NBEA: variants seen among roughly 807,000 people sequenced by gnomAD.
NBEA encodes the protein neurobeachin.
NBEA carries 44 observed loss-of-function variants against 343.4 expected under a neutral mutation model. The observed-to-expected ratio is 0.13, with a 90% CI of 0.10 to 0.16. NBEA has a LOEUF of 0.16. NBEA is among the 10% of genes least tolerant of loss of function. The pLI is 1.00. For synonymous variants in NBEA, 1,175 were observed against 1,238.7 expected, an observed-to-expected ratio of 0.95 and a Z score of 1.08; for missense variants, 2,555 against 3,631.3, an observed-to-expected ratio of 0.70 and a Z score of 7.62.
chr13:35,044,827 T>TAGAG lies in NBEA; in HGVS notation c.527-119_527-118insGAGA, dbSNP rs555746647. On this transcript the variant is annotated intron_variant, in intron 2 of 58. Transcript: ENST00000379939. ...GCTGTATTAGATACATATATATATA[T>TAGAG]ATAGAGAGAGAGAGAGAGAGAGAGA... The TAGAG allele has an allele frequency of 4.3e-5, 22 of 505,892 alleles. 1 individual carries two copies. The highest frequency in any genetic ancestry group is 3.1e-4 in the Admixed American group (10 of 31,924). 31.3% of individuals were successfully genotyped at this position (505,892 alleles called of 1,614,324 possible).
chr13:35,409,027 A>G (rs138557448), intron 38 of NBEA, among the ~76,000 whole-genome samples: 1 of 152,334 alleles, frequency 6.6e-6, no homozygotes, highest in East Asian at 1.9e-4. Flanking sequence ...TCATTCTGTT[A>G]TAAAGACACA....
At chr13:34,989,213 C>T (rs1284186562) in intron 1 of NBEA, among the ~76,000 whole-genome samples, 1 of 150,958 alleles carries the variant, frequency 6.6e-6, no homozygotes, top group African/African-American at 2.4e-5. Flanking sequence ...AATTAAAAGT[C>T]ATTTATCTTC....
chr13:35,191,054 A>G (rs926107036), intron 30 of NBEA, among the ~76,000 whole-genome samples: 1 of 152,186 alleles, frequency 6.6e-6, no homozygotes, highest in Non-Finnish European at 1.5e-5. Flanking sequence ...GAAAAGAATC[A>G]GCAACATGAA....
intron 38 of NBEA, among the ~76,000 whole-genome samples, chr13:35,379,051 A>T (rs1161226817): frequency 6.6e-6 from 1 of 152,026 alleles, no homozygotes; most frequent in Non-Finnish European, 1.5e-5. Flanking sequence ...ACTATTATGA[A>T]TAATGTTGCT....
chr13:35,543,891 G>A (rs567290965), intron 41 of NBEA, among the ~76,000 whole-genome samples: 8 of 152,104 alleles, frequency 5.3e-5, no homozygotes, highest in African/African-American at 1.7e-4. Flanking sequence ...TCTTCCAGGT[G>A]GTCATTTTGG....
At chr13:35,479,370 C>T (rs1005276032) in intron 41 of NBEA, among the ~76,000 whole-genome samples, 6 of 152,156 alleles carry the variant, frequency 3.9e-5, no homozygotes, top group Non-Finnish European at 4.4e-5. Flanking sequence ...TTACACTGAA[C>T]ACGTGAAATG....
At chr13:35,414,650 T>C (rs1176785226) in intron 38 of NBEA, among the ~76,000 whole-genome samples, 1 of 152,208 alleles carries the variant, frequency 6.6e-6, no homozygotes, top group Non-Finnish European at 1.5e-5. Flanking sequence ...TTTGGGTTGG[T>C]TCCAAGTCTT....
intron 33 of NBEA, among the ~76,000 whole-genome samples, chr13:35,219,350 G>A (rs984280714): frequency 2.6e-5 from 4 of 152,048 alleles, no homozygotes; most frequent in African/African-American, 7.2e-5. Flanking sequence ...TGTTTCCTTA[G>A]TGCAGTAGTT....
chr13:35,003,775 A>G (rs1025271727), intron 1 of NBEA, among the ~76,000 whole-genome samples: 10 of 152,066 alleles, frequency 6.6e-5, no homozygotes, highest in Non-Finnish European at 8.8e-5. Context: ...TCTTTTTTTA[A>G]GAAAATTTAA....
chr13:35,310,445 T>C (rs1470864016), intron 36 of NBEA, among the ~76,000 whole-genome samples: 1 of 152,218 alleles, frequency 6.6e-6, no homozygotes, highest in Admixed American at 6.5e-5. Flanking sequence ...TGAACTCTGA[T>C]AAATATTCCT....
At chr13:35,320,706 G>A (rs534516495) in intron 36 of NBEA, among the ~76,000 whole-genome samples, 104 of 152,150 alleles carry the variant, frequency 6.8e-4, no homozygotes, top group African/African-American at 2.2e-3. Flanking sequence ...ACTTGGTTCC[G>A]TTTTCCCCAT....
intron 52 of NBEA, among the ~76,000 whole-genome samples, 174 bp downstream of exon 52, chr13:35,650,021 C>T (rs2084439560): frequency 6.6e-6 from 1 of 152,240 alleles, no homozygotes; most frequent in African/African-American, 2.4e-5. Context: ...TCCTTCATTT[C>T]TGCTGTATGT....
chr13:35,136,642 C>T (rs1372089036), intron 17 of NBEA, among the ~76,000 whole-genome samples: 1 of 152,184 alleles, frequency 6.6e-6, no homozygotes, highest in Non-Finnish European at 1.5e-5. Context: ...AATGGTTAAA[C>T]ATTTGGCTGG....
intron 47 of NBEA, among the ~76,000 whole-genome samples, chr13:35,605,946 A>G (rs1390363679): frequency 6.6e-6 from 1 of 152,184 alleles, no homozygotes; most frequent in African/African-American, 2.4e-5. Flanking sequence ...TCTCTTTATA[A>G]AAATCACATA....
chr13:35,209,500 A>G (rs1011978072), intron 32 of NBEA, among the ~76,000 whole-genome samples: 5 of 152,086 alleles, frequency 3.3e-5, no homozygotes, highest in African/African-American at 1.2e-4. Flanking sequence ...TGCCTAAAAT[A>G]ACCTTTTTTT....
At chr13:35,593,933 A>AT (rs1217441601) in intron 47 of NBEA, among the ~76,000 whole-genome samples, 1 of 152,100 alleles carries the variant, frequency 6.6e-6, no homozygotes, top group African/African-American at 2.4e-5. Flanking sequence ...TGGGGATACT[A>AT]TGCAACAATA....
In NBEA at chr13:35,157,287, C is replaced by CATTTTA. The variant is rs753847955; in HGVS notation, c.2844+19_2844+24dup. 1.3e-6 allele frequency: 2 copies of CATTTTA among 1,503,516 alleles called. No individual in the cohort carries two copies. The highest frequency in any genetic ancestry group is 1.8e-6 in the Non-Finnish European group (2 of 1,119,402). 93.1% of individuals were successfully genotyped at this position (1,503,516 alleles called of 1,614,324 possible). On this transcript the variant is annotated intron_variant, in intron 21 of 58. Coordinates refer to ENST00000379939, the MANE Select transcript of NBEA (RefSeq NM_001385012.1). ...CATTCCAAGGTAACACGGGATTTAA[C>CATTTTA]ATTTTAACATCATCAGAGTTATTGC...
At chr13:35,622,893 A>G (rs1412791769) in intron 48 of NBEA, among the ~76,000 whole-genome samples, 1 of 152,108 alleles carries the variant, frequency 6.6e-6, no homozygotes, top group Non-Finnish European at 1.5e-5. Context: ...TAAATTTCGG[A>G]GAAGCTTTAC....
chr13:35,232,444 T>A, intron 33 of NBEA, 48 bp from the exon 34 acceptor site: 1 of 1,221,884 alleles, frequency 8.2e-7, no homozygotes, highest in Non-Finnish European at 1.1e-6. Context: ...TTATTTGACA[T>A]TTTATATTGA....
Sources: gnomAD v4.1 joint callset for allele counts (sites outside exome capture counted in the v4.1 genomes callset) on GRCh38, gnomAD v4.1.1 for gene constraint, MANE v1.5 for transcripts, NCBI Gene and HGNC (gene_info 2026-07-23, HGNC 2026-07-21) for gene names.